IGFL4: variants seen among roughly 807,000 people sequenced by gnomAD.
IGFL4 encodes the protein insulin growth factor-like family member 4.
Under a neutral mutation model 15.4 loss-of-function variants are expected in IGFL4, and 12 were observed. The ratio of observed to expected loss-of-function variants is 0.78; its 90% CI spans 0.50 to 1.26. IGFL4 has a LOEUF of 1.26. IGFL4 is among the 50% of genes most tolerant of loss of function. IGFL4 has a pLI of 0.00. For missense variants in IGFL4, 126 were observed against 147.8 expected, an observed-to-expected ratio of 0.85 and a Z score of 0.76; for synonymous variants, 54 against 55.9, an observed-to-expected ratio of 0.97 and a Z score of 0.16.
rs374498973 is a variant in IGFL4, at chr19:46,056,397, G to A, written c.-323+3788C>T. Among the ~76,000 whole-genome samples the A allele has an allele frequency of 1.7e-3, 256 of 152,278 alleles. 2 individuals carry two copies. The highest frequency in any genetic ancestry group is 5.8e-3 in the African/African-American group (239 of 41,544). On this transcript the variant is annotated intron_variant, in intron 2 of 5. Transcript: ENST00000601672. Reference sequence around the variant, plus strand: ...AGCTAATTAGAGTCCCTTATATGAAGTTCACCTCAGGAGGCTCATACTGGA... The same window carrying A: ...AGCTAATTAGAGTCCCTTATATGAAATTCACCTCAGGAGGCTCATACTGGA...
At chr19:46,051,152 C>T (rs1438958446) in intron 2 of IGFL4, among the ~76,000 whole-genome samples, 3 of 152,198 alleles carry the variant, frequency 2.0e-5, no homozygotes, top group Non-Finnish European at 4.4e-5. Flanking sequence ...GCCAGCACTA[C>T]AAGAACTGCT....
intron 1 of IGFL4, chr19:46,062,915 CCA>C (rs2146524238): frequency 6.6e-6 from 1 of 152,320 alleles, no homozygotes; most frequent in South Asian, 2.1e-4. Context: ...ATCCTGTCAC[CCA>C]CAGCCATCAG....
chr19:46,074,302 C>T (rs894828549), intron 1 of IGFL4, among the ~76,000 whole-genome samples: 5 of 150,876 alleles, frequency 3.3e-5, no homozygotes, highest in African/African-American at 1.2e-4. Flanking sequence ...TATATATACA[C>T]ACACACATAT....
At chr19:46,063,731 A>G (rs1456154077) in intron 1 of IGFL4, among the ~76,000 whole-genome samples, 5 of 152,230 alleles carry the variant, frequency 3.3e-5, no homozygotes. Context: ...GGAAAGACCC[A>G]TACTTGGGAA....
At chr19:46,049,760 C>T (rs1361235878) in intron 2 of IGFL4, among the ~76,000 whole-genome samples, 1 of 152,136 alleles carries the variant, frequency 6.6e-6, no homozygotes, top group African/African-American at 2.4e-5. Flanking sequence ...AACCTGAATA[C>T]TCATTCAAAG....
chr19:46,054,296 G>A (rs767653486), intron 2 of IGFL4, among the ~76,000 whole-genome samples: 1 of 152,110 alleles, frequency 6.6e-6, no homozygotes, highest in African/African-American at 2.4e-5. Context: ...GGTGATCCAT[G>A]GGAGTCTAGT....
Position 46,040,881 on chromosome 19 carries a change from A to G in IGFL4, c.19+63T>C. 6.9e-7 allele frequency: 1 copy of G among 1,450,134 alleles called. No homozygotes were observed. The highest frequency in any genetic ancestry group is 2.0e-5 in the Admixed American group (1 of 50,750). The allele number at this position is 1,450,134 out of a possible 1,614,324, so 89.8% of individuals were successfully genotyped here. A position where few individuals can be genotyped will look rare whatever the true frequency, so the allele number is the denominator to read the frequency against. ...GAAGAGAGAATTAACTTTGAAGTTC[A>G]GAAATAATTAGGGATGTGATATCAT... On this transcript the variant is annotated intron_variant, in intron 1 of 3. Coordinates refer to ENST00000377697, the MANE Select transcript of IGFL4 (RefSeq NM_001002923.3). This position sits in a 1 kb window ranked among gnomAD's most constrained non-coding sequence, Gnocchi z 4.1.
chr19:46,044,568 C>T (rs1009464192), upstream of IGFL4, among the ~76,000 whole-genome samples: 1 of 152,160 alleles, frequency 6.6e-6, no homozygotes, highest in African/African-American at 2.4e-5. Flanking sequence ...TTCTAGCCTG[C>T]CAGCTTTGGA....
intron 1 of IGFL4, among the ~76,000 whole-genome samples, chr19:46,071,570 G>A (rs992883361): frequency 6.6e-6 from 1 of 152,234 alleles, no homozygotes; most frequent in African/African-American, 2.4e-5. Context: ...CATTAGACAG[G>A]AGGTAGTGTG....
chr19:46,046,948 A>G (rs1333099926), intron 2 of IGFL4, among the ~76,000 whole-genome samples: 1 of 152,232 alleles, frequency 6.6e-6, no homozygotes, highest in African/African-American at 2.4e-5. Flanking sequence ...AACAGAATAT[A>G]CATTCTTCTC....
upstream of IGFL4, among the ~76,000 whole-genome samples, chr19:46,042,071 C>G (rs1200687096): frequency 2.0e-5 from 3 of 152,040 alleles, no homozygotes; most frequent in African/African-American, 7.2e-5. Context: ...TGAGCTCAAG[C>G]AATCCACCTG....
At chr19:46,047,461 CA>C (rs1969307343) in intron 2 of IGFL4, among the ~76,000 whole-genome samples, 2 of 151,778 alleles carry the variant, frequency 1.3e-5, no homozygotes, top group African/African-American at 4.8e-5. Context: ...AAAAGCCCTT[CA>C]AAAAATTAAT....
At chr19:46,042,210 G>C (rs1270311793), upstream of IGFL4, among the ~76,000 whole-genome samples, 1 of 151,946 alleles carries the variant, frequency 6.6e-6, no homozygotes, top group Non-Finnish European at 1.5e-5. Flanking sequence ...AGCTCTCCTC[G>C]CCTATTTCTG....
rs1321585301 is a variant in IGFL4, at chr19:46,040,737, G to T, written c.20-169C>A. The T allele has an allele frequency of 4.2e-6, 4 of 943,146 alleles. No individual in the cohort carries two copies. Among genetic ancestry groups the T allele is most frequent in the Non-Finnish European group, 5.0e-6 (3 of 601,996 alleles). The allele number at this position is 943,146 out of a possible 1,614,324, so 58.4% of individuals were successfully genotyped here. A position where few individuals can be genotyped will look rare whatever the true frequency, so the allele number is the denominator to read the frequency against. ...GACTGGGCTTGGCAGGTGAGGAAAG[G>T]CAGGGAGGGCTCTGGGAAAAGTTAA... On this transcript the variant is annotated intron_variant, in intron 1 of 3. Coordinates refer to ENST00000377697, the MANE Select transcript of IGFL4 (RefSeq NM_001002923.3). The surrounding 1 kb of genome is among the most constrained non-coding windows in gnomAD (Gnocchi z 4.1).
chr19:46,057,680 T>C (rs1219776356), intron 2 of IGFL4: 1 of 152,092 alleles, frequency 6.6e-6, no homozygotes, highest in Non-Finnish European at 1.5e-5. Context: ...GGGTAATTGA[T>C]AGAGGAAAGA....
At chr19:46,053,074 G>C (rs1969362393) in intron 2 of IGFL4, among the ~76,000 whole-genome samples, 1 of 151,972 alleles carries the variant, frequency 6.6e-6, no homozygotes, top group Non-Finnish European at 1.5e-5. Flanking sequence ...CAACATGTCT[G>C]TATAATTGGG....
At chr19:46,041,095 AGTTAGGC>A, upstream of IGFL4, 1 of 766,874 alleles carries the variant, frequency 1.3e-6, no homozygotes, top group African/African-American at 1.8e-5. Flanking sequence ...TCTTGGGAAG[AGTTAGGC>A]AAAAAGAGCT....
In IGFL4 at chr19:46,055,267, GTTC is replaced by G. The variant is rs572025704; in HGVS notation, c.-323+4915_-323+4917del. Reference sequence around the variant, plus strand: ...TTTCTTTTCATTTCATTTCTTTTCTGTTCTTTTCCAGATAGGGTCTCACTGTGT... The same window carrying G: ...TTTCTTTTCATTTCATTTCTTTTCTGTTTTCCAGATAGGGTCTCACTGTGT... On this transcript the variant is annotated intron_variant, in intron 2 of 5. Transcript: ENST00000601672. 3.9e-4 allele frequency among the ~76,000 whole-genome samples: 59 copies of G among 152,240 alleles called. 2 individuals are homozygous for G. The South Asian group carries it at 8.5e-3, about 22-fold the overall frequency.
At chr19:46,041,005 A>G (rs1410046486), upstream of IGFL4, 2 of 1,553,620 alleles carry the variant, frequency 1.3e-6, no homozygotes, top group Admixed American at 2.2e-5. Context: ...AGCAGTGGAA[A>G]TGGGTCAGTG....
Sources: gnomAD v4.1 joint callset for allele counts (sites outside exome capture counted in the v4.1 genomes callset) on GRCh38, gnomAD v4.1.1 for gene constraint, Gnocchi (gnomAD v3.1) non-coding constraint, MANE v1.5 for transcripts, NCBI Gene and HGNC (gene_info 2026-07-23, HGNC 2026-07-21) for gene names.